The following WDR20 variants were observed in gnomAD, a reference collection of about 807,000 sequenced individuals.
WDR20 encodes the protein WD repeat domain 20, also known as WD repeat-containing protein 20.
In WDR20, 3 loss-of-function variants were observed where a neutral mutation model predicts 38.7. That is an observed-to-expected ratio of 0.08 (90% CI 0.04 to 0.20). WDR20 has a LOEUF of 0.20. WDR20 is among the 10% of genes least tolerant of loss of function. WDR20 has a pLI of 1.00. For synonymous variants in WDR20, 298 were observed against 285.6 expected (o/e 1.04, Z -0.44); for missense variants, 559 against 727.7 (o/e 0.77, Z 2.67).
At chr14:102,169,709 G>A (rs547091400) in intron 1 of WDR20, among the ~76,000 whole-genome samples, 2 of 152,122 alleles carry the variant, frequency 1.3e-5, no homozygotes, top group South Asian at 2.1e-4. Context: ...TGTATTTTTA[G>A]TAGAGACAGG....
chr14:102,188,063 G>C (rs576047014), intron 1 of WDR20, among the ~76,000 whole-genome samples: 85 of 152,108 alleles, frequency 5.6e-4, no homozygotes, highest in African/African-American at 1.9e-3. Flanking sequence ...TGAAATTTAG[G>C]GAAAATAAAA....
intron 1 of WDR20, among the ~76,000 whole-genome samples, chr14:102,144,336 G>A (rs2052735609): frequency 6.6e-6 from 1 of 152,014 alleles, no homozygotes; most frequent in Non-Finnish European, 1.5e-5. Context: ...TACAAAATTA[G>A]CTGGGCGTGG....
At chr14:102,148,661 GTTTGGC>G (rs2054546481) in intron 1 of WDR20, among the ~76,000 whole-genome samples, 1 of 124,182 alleles carries the variant, frequency 8.1e-6, no homozygotes, top group African/African-American at 2.9e-5. Context: ...TCTTTAAAGA[GTTTGGC>G]TTTGTGTGTG....
intron 1 of WDR20, chr14:102,193,535 G>A (rs1018429653): frequency 5.0e-6 from 8 of 1,609,204 alleles, no homozygotes; most frequent in South Asian, 4.4e-5. Flanking sequence ...GAGAGTGTCC[G>A]CATGGCATGC....
At chr14:102,214,548 A>C, downstream of WDR20, 18 of 985,398 alleles carry the variant, frequency 1.8e-5, no homozygotes, top group Non-Finnish European at 2.2e-5. Context: ...TCGTGTCATA[A>C]ATTGCTATCC....
chr14:102,165,347 G>C (rs1327614858), intron 1 of WDR20, among the ~76,000 whole-genome samples: 7 of 152,102 alleles, frequency 4.6e-5, no homozygotes, highest in Admixed American at 2.0e-4. Context: ...ATAAGAGTTT[G>C]TCAATTAAAA....
rs889339321 is a variant in WDR20, at chr14:102,207,425, A to G, written c.433-1178A>G. Among the ~76,000 whole-genome samples the G allele has an allele frequency of 4.6e-5, 7 of 152,276 alleles. No individual in the cohort carries two copies. Among genetic ancestry groups the G allele is most frequent in the African/African-American group, 1.7e-4 (7 of 41,476 alleles). On this transcript the variant is annotated intron_variant, in intron 2 of 2. Coordinates refer to ENST00000342702, the MANE Select transcript of WDR20 (RefSeq NM_144574.4). The surrounding 1 kb of genome is among the most constrained non-coding windows in gnomAD (Gnocchi z 5.0). ...ATGGCCTCAAAGCCACCCTGGCAGA[A>G]GTCGGCATGTTTCTTGGCAGATTCT... is the stretch of plus-strand genomic sequence containing the variant.
chr14:102,147,638 AAACTTG>A (rs2054116565), intron 1 of WDR20, among the ~76,000 whole-genome samples: 1 of 152,178 alleles, frequency 6.6e-6, no homozygotes, highest in Admixed American at 6.5e-5. Context: ...CTTTGATGGC[AAACTTG>A]AGCTTGAGCA....
intron 1 of WDR20, among the ~76,000 whole-genome samples, chr14:102,149,305 A>T (rs138459888): frequency 1.7e-3 from 254 of 152,308 alleles, no homozygotes; most frequent in African/African-American, 5.8e-3. Context: ...TGCTGGGATT[A>T]CAGATGTGAG....
downstream of WDR20, among the ~76,000 whole-genome samples, chr14:102,216,264 G>A (rs967175243): frequency 3.3e-5 from 5 of 152,184 alleles, no homozygotes; most frequent in Admixed American, 3.3e-4. Flanking sequence ...TGGGGCCTAC[G>A]ACTGCCACAA....
intron 1 of WDR20, among the ~76,000 whole-genome samples, chr14:102,147,637 C>T (rs1318933655): frequency 6.6e-6 from 1 of 152,170 alleles, no homozygotes; most frequent in African/African-American, 2.4e-5. Context: ...GCTTTGATGG[C>T]AAACTTGAGC....
downstream of WDR20, chr14:102,214,206 A>C (rs973345485): frequency 1.2e-5 from 12 of 985,550 alleles, no homozygotes; most frequent in Non-Finnish European, 1.4e-5. Context: ...GACAAAGGTG[A>C]AGGTTTATAG....
intron 1 of WDR20, among the ~76,000 whole-genome samples, chr14:102,175,247 C>T (rs2061800461): frequency 6.6e-6 from 1 of 152,108 alleles, no homozygotes; most frequent in African/African-American, 2.4e-5. Context: ...GATGAGGATC[C>T]AATTTTATTC....
chr14:102,203,765 A>G (rs2060964221), intron 2 of WDR20, among the ~76,000 whole-genome samples: 1 of 152,142 alleles, frequency 6.6e-6, no homozygotes, highest in African/African-American at 2.4e-5. Flanking sequence ...TTGACATTGG[A>G]GAGAATTCAA....
At chr14:102,143,303 G>T (rs1477608460) in intron 1 of WDR20, among the ~76,000 whole-genome samples, 1 of 152,152 alleles carries the variant, frequency 6.6e-6, no homozygotes, top group East Asian at 1.9e-4. Context: ...TCTTGAGGTA[G>T]ATTAAAACAT....
chr14:102,202,458 CA>C (rs1339531614), intron 2 of WDR20, among the ~76,000 whole-genome samples: 2 of 136,438 alleles, frequency 1.5e-5, no homozygotes, highest in East Asian at 2.5e-4. Context: ...CGGCTCACTG[CA>C]AACCTCTGCC....
rs1435007661 is a variant in WDR20 at position 102,209,415 on chromosome 14, G to A, written c.1245G>A (p.Gly415=). Residue 415 remains glycine, a synonymous_variant, in exon 3 of 3, where the codon GGG becomes GGA. Coordinates refer to ENST00000342702, the MANE Select transcript of WDR20 (RefSeq NM_144574.4). The surrounding 1 kb of genome is among the most constrained non-coding windows in gnomAD (Gnocchi z 6.0). The part of the protein sequence containing the change: ...NATSPPAGSN[G]NSVTTPGNSV... ...CGAGTCCTCCTGCTGGAAGCAATGG[G>A]AACAGTGTTACAACACCCGGGAACT... The A allele has an allele frequency of 4.3e-6, 7 of 1,614,096 alleles. No individual in the cohort carries two copies. Among genetic ancestry groups the A allele is most frequent in the Non-Finnish European group, 5.9e-6 (7 of 1,180,026 alleles).
intron 1 of WDR20, among the ~76,000 whole-genome samples, chr14:102,146,231 T>C (rs2053597793): frequency 6.6e-6 from 1 of 152,148 alleles, no homozygotes; most frequent in Admixed American, 6.6e-5. Flanking sequence ...TGGCTTGATC[T>C]TGGCTCACTG....
At chr14:102,218,926 G>A (rs554148510), downstream of WDR20, among the ~76,000 whole-genome samples, 2 of 152,334 alleles carry the variant, frequency 1.3e-5, no homozygotes, top group South Asian at 4.1e-4. Flanking sequence ...CCCTTGCCAG[G>A]TCCTCCGTCG....
Sources: allele counts gnomAD v4.1 joint callset (sites outside exome capture counted in the v4.1 genomes callset), GRCh38; gene constraint gnomAD v4.1.1; non-coding constraint Gnocchi (gnomAD v3.1); transcripts MANE v1.5; gene names NCBI Gene and HGNC (gene_info 2026-07-23, HGNC 2026-07-21).